The following PLEKHD1 variants were observed in gnomAD, a reference collection of about 807,000 sequenced individuals.
PLEKHD1 encodes the protein pleckstrin homology and coiled-coil domain containing D1.
Under a neutral mutation model 69.2 loss-of-function variants are expected in PLEKHD1, and 51 were observed. That is an observed-to-expected ratio of 0.74 (90% CI 0.59 to 0.93). The LOEUF (loss-of-function observed/expected upper bound fraction) is 0.93, where lower values mean the gene tolerates loss of function less well. Among genes scored for constraint, PLEKHD1 ranks in the 40% least tolerant of loss-of-function variants. The pLI is 0.00. For synonymous variants in PLEKHD1, 236 were observed against 244.7 expected, an observed-to-expected ratio of 0.96 and a Z score of 0.33; for missense variants, 584 against 641.0, an observed-to-expected ratio of 0.91 and a Z score of 0.96.
Position 69,509,937 on chromosome 14 carries a change from C to CA in PLEKHD1, c.555+7070dup, listed in dbSNP as rs879827722. On this transcript the variant is annotated intron_variant, in intron 6 of 12. Coordinates refer to ENST00000322564, the MANE Select transcript of PLEKHD1 (RefSeq NM_001161498.2). ...TGGGTTACAGAGTGAGACTCCATCTCAAAAAAAAAAAAGACTGGCTTTTCC... is the reference window on the plus strand; with the variant it reads ...TGGGTTACAGAGTGAGACTCCATCTCAAAAAAAAAAAAAGACTGGCTTTTCC... Among the ~76,000 whole-genome samples, 1,400 of 141,264 alleles carry CA rather than the reference C, an allele frequency of 9.9e-3. 14 individuals are homozygous for CA. The highest frequency in any genetic ancestry group is 0.032 in the African/African-American group (1,231 of 38,556). 92.7% of individuals were successfully genotyped at this position (141,264 alleles called of 152,430 possible). A position where few individuals can be genotyped will look rare whatever the true frequency, so the allele number is the denominator to read the frequency against.
the PLEKHD1 span, among the ~76,000 whole-genome samples, chr14:69,473,714 G>A: frequency 3.9e-5 from 6 of 152,310 alleles, no homozygotes; most frequent in South Asian, 1.2e-3. Flanking sequence ...GAGGAATCCC[G>A]ACAAATTCAG....
upstream of PLEKHD1, among the ~76,000 whole-genome samples, chr14:69,483,269 T>G: frequency 6.6e-6 from 1 of 151,562 alleles, no homozygotes; most frequent in East Asian, 1.9e-4. Flanking sequence ...AGGGTGATGA[T>G]TAGCTAGAGT....
intron 7 of PLEKHD1, 96 bp downstream of exon 7, chr14:69,522,473 T>A (rs984003487): frequency 7.7e-7 from 1 of 1,291,642 alleles, no homozygotes; most frequent in Admixed American, 2.1e-5. Flanking sequence ...ACCTCAGAGA[T>A]GCTATCTTCC....
At chr14:69,490,846 C>T (rs1882762685) in intron 1 of PLEKHD1, among the ~76,000 whole-genome samples, 2 of 152,118 alleles carry the variant, frequency 1.3e-5, no homozygotes, top group African/African-American at 4.8e-5. Flanking sequence ...CAGTTCCACC[C>T]CCTACATAGC....
chr14:69,508,428 A>C (rs1408986532), intron 6 of PLEKHD1, among the ~76,000 whole-genome samples: 1 of 152,014 alleles, frequency 6.6e-6, no homozygotes, highest in Non-Finnish European at 1.5e-5. Context: ...CAAAAACAAA[A>C]AAACTATTTT....
rs760179013 is a variant in PLEKHD1, at chr14:69,527,204, G to T, written c.1073G>T (p.Arg358Leu). 2 of 1,550,032 alleles carry T rather than the reference G, an allele frequency of 1.3e-6. No homozygotes were observed. The highest frequency in any genetic ancestry group is 1.2e-5 in the South Asian group (1 of 83,798). ...ERELKAEVKV[R>L]MDLERRLREA... Reference sequence around the variant, plus strand: ...CAACCTCAGGCTGAGGTGAAGGTCCGCATGGACCTGGAGAGGCGTCTCCGG... The same window carrying T: ...CAACCTCAGGCTGAGGTGAAGGTCCTCATGGACCTGGAGAGGCGTCTCCGG... The change falls in exon 11 of 13, where the codon CGC becomes CTC. Residue 358 changes from arginine (R) to leucine (L), a missense_variant. Coordinates refer to ENST00000322564, the MANE Select transcript of PLEKHD1 (RefSeq NM_001161498.2).
the PLEKHD1 span, among the ~76,000 whole-genome samples, chr14:69,468,645 C>T: frequency 6.6e-6 from 1 of 151,970 alleles, no homozygotes; most frequent in East Asian, 1.9e-4. Context: ...CAATCATAAG[C>T]CCATAGCTCA....
chr14:69,527,746 A>G, intron 11 of PLEKHD1, 37 bp from the exon 12 acceptor site: 1 of 1,548,848 alleles, frequency 6.5e-7, no homozygotes, highest in Non-Finnish European at 8.7e-7. Context: ...GTAAGGATGC[A>G]GTCGGAACCC....
intron 1 of PLEKHD1, among the ~76,000 whole-genome samples, chr14:69,495,051 T>A (rs1882857284): frequency 1.3e-5 from 2 of 152,268 alleles, no homozygotes; most frequent in South Asian, 2.1e-4. Context: ...AGGCCGGGTG[T>A]GGCATGTGTG....
chr14:69,469,828 C>T, the PLEKHD1 span, among the ~76,000 whole-genome samples: 2 of 152,050 alleles, frequency 1.3e-5, no homozygotes. Flanking sequence ...TTCAGGCATC[C>T]TTCTGCCTCA....
At chr14:69,507,317 G>A (rs561126157) in intron 6 of PLEKHD1, among the ~76,000 whole-genome samples, 10 of 152,188 alleles carry the variant, frequency 6.6e-5, no homozygotes, top group Admixed American at 2.0e-4. Flanking sequence ...GGTTTCCTCC[G>A]TGTCTTTTTG....
chr14:69,473,195 C>T, the PLEKHD1 span, among the ~76,000 whole-genome samples: 3 of 152,190 alleles, frequency 2.0e-5, no homozygotes, highest in African/African-American at 4.8e-5. Context: ...CCATCTCCCC[C>T]CAAACTCCAG....
At chr14:69,527,734 G>A (rs757391395) in intron 11 of PLEKHD1, 49 bp from the exon 12 acceptor site, 2 of 1,542,082 alleles carry the variant, frequency 1.3e-6, no homozygotes, top group South Asian at 2.4e-5. Context: ...GACTGGCTGG[G>A]GGTAAGGATG....
In PLEKHD1 at chr14:69,485,155, G is replaced by C. The variant is rs1566934695; in HGVS notation, c.149+41G>C. ...CGCCCCAAGGAGACCGCCGGGGAGAGAGCCTGGGCGTCGTTACCCCTCCCA... is the reference window on the plus strand; with the variant it reads ...CGCCCCAAGGAGACCGCCGGGGAGACAGCCTGGGCGTCGTTACCCCTCCCA... On this transcript the variant is annotated intron_variant, in intron 1 of 12. Coordinates refer to ENST00000322564, the MANE Select transcript of PLEKHD1 (RefSeq NM_001161498.2). 4 of 1,533,762 alleles carry C rather than the reference G, an allele frequency of 2.6e-6. No individual in the cohort carries two copies. In the East Asian group the frequency reaches 7.4e-5, roughly 28 times the overall value.
At chr14:69,492,227 A>C (rs541381257) in intron 1 of PLEKHD1, among the ~76,000 whole-genome samples, 2 of 152,268 alleles carry the variant, frequency 1.3e-5, no homozygotes, top group East Asian at 3.9e-4. Flanking sequence ...TTCTTTGCCT[A>C]TGCTGTTCCC....
intron 6 of PLEKHD1, among the ~76,000 whole-genome samples, chr14:69,509,589 C>CT (rs376494569): frequency 1.0e-4 from 15 of 148,646 alleles, no homozygotes; most frequent in South Asian, 4.3e-4. Flanking sequence ...TGTGTAGAGT[C>CT]TTTTTTTTTT....
Position 69,528,592 on chromosome 14 carries a change from C to T in PLEKHD1, c.*173C>T, listed in dbSNP as rs1883719397. The T allele has an allele frequency of 4.5e-6, 4 of 883,448 alleles. No individual in the cohort carries two copies. Among genetic ancestry groups the T allele is most frequent in the Non-Finnish European group, 6.7e-6 (4 of 596,292 alleles). The allele number at this position is 883,448 out of a possible 1,614,324, so 54.7% of individuals were successfully genotyped here. The stretch of plus-strand genomic sequence containing the variant: ...GCCTTGCCCTCAAAGGACATGGACG[C>T]TGCCTTCCTCATCCTCACCCCACAC... On this transcript the variant is annotated 3_prime_UTR_variant, in exon 13 of 13. Transcript: ENST00000322564.
chr14:69,510,250 A>G (rs1366640223), intron 6 of PLEKHD1, among the ~76,000 whole-genome samples: 3 of 152,194 alleles, frequency 2.0e-5, no homozygotes, highest in Non-Finnish European at 2.9e-5. Context: ...TGGGATTTTA[A>G]TTGAGATTGT....
chr14:69,499,762 G>C (rs1042784537), intron 1 of PLEKHD1, among the ~76,000 whole-genome samples: 6 of 152,212 alleles, frequency 3.9e-5, no homozygotes, highest in Non-Finnish European at 8.8e-5. Context: ...ACCCTAAGTG[G>C]CTGGAGGTGA....
Sources: gnomAD v4.1 joint callset for allele counts (sites outside exome capture counted in the v4.1 genomes callset) on GRCh38, gnomAD v4.1.1 for gene constraint, MANE v1.5 for transcripts, NCBI Gene and HGNC (gene_info 2026-07-23, HGNC 2026-07-21) for gene names.